Variants in ATAD1 observed in about 807,000 individuals in gnomAD.
ATAD1 encodes outer mitochondrial transmembrane helix translocase.
In ATAD1, 18 loss-of-function variants were observed where a neutral mutation model predicts 42.7. The ratio of observed to expected loss-of-function variants is 0.42; its 90% CI spans 0.29 to 0.63. The LOEUF (loss-of-function observed/expected upper bound fraction) is 0.63, where lower values mean the gene tolerates loss of function less well. ATAD1 is among the 20% of genes least tolerant of loss of function. The pLI, the probability that ATAD1 is intolerant of heterozygous loss-of-function variation, is 0.19. For missense variants in ATAD1, 294 were observed against 440.4 expected (o/e 0.67, Z 2.98); for synonymous variants, 132 against 143.1 (o/e 0.92, Z 0.55).
chr10:87,797,264 T>C (rs1443753234), intron 2 of ATAD1, among the ~76,000 whole-genome samples: 2 of 152,122 alleles, frequency 1.3e-5, no homozygotes, highest in African/African-American at 4.8e-5. Flanking sequence ...GAATTCCAAA[T>C]TATGGGTAAC....
At chr10:87,806,436 A>G (rs1856928812) in intron 2 of ATAD1, among the ~76,000 whole-genome samples, 1 of 152,130 alleles carries the variant, frequency 6.6e-6, no homozygotes, top group Non-Finnish European at 1.5e-5. Context: ...TCCTTCGGTG[A>G]GGCCCTCTCC....
intron 6 of ATAD1, among the ~76,000 whole-genome samples, chr10:87,776,113 G>A (rs1285564606): frequency 6.6e-6 from 1 of 152,034 alleles, no homozygotes; most frequent in Non-Finnish European, 1.5e-5. Context: ...AGGCATTTAG[G>A]CAATCTACTA....
chr10:87,779,149 T>C (rs1386677341), intron 5 of ATAD1, among the ~76,000 whole-genome samples: 1 of 151,632 alleles, frequency 6.6e-6, no homozygotes, highest in African/African-American at 2.4e-5. Flanking sequence ...AAATACAAAA[T>C]TGGCTGGGCA....
At chr10:87,813,266 C>A (rs1001320209) in intron 2 of ATAD1, among the ~76,000 whole-genome samples, 3 of 151,786 alleles carry the variant, frequency 2.0e-5, no homozygotes, top group Non-Finnish European at 4.4e-5. Flanking sequence ...ATTTTGACAT[C>A]ATACTTAAAC....
intron 8 of ATAD1, among the ~76,000 whole-genome samples, chr10:87,765,203 G>A (rs1020743332): frequency 6.6e-6 from 1 of 152,054 alleles, no homozygotes; most frequent in African/African-American, 2.4e-5. Flanking sequence ...CAAGGAAGGA[G>A]GGAAGCCATA....
chr10:87,802,025 C>T (rs186401543), intron 2 of ATAD1, among the ~76,000 whole-genome samples: 2 of 152,252 alleles, frequency 1.3e-5, no homozygotes, highest in East Asian at 3.9e-4. Flanking sequence ...ATTCAGTAGA[C>T]TCCTATGAAC....
At chr10:87,835,946 C>A (rs1857921850) in intron 1 of ATAD1, among the ~76,000 whole-genome samples, 2 of 152,172 alleles carry the variant, frequency 1.3e-5, no homozygotes, top group African/African-American at 4.8e-5. Flanking sequence ...CTATTACCTT[C>A]CCTCTTTATG....
chr10:87,802,211 G>A (rs1856730986), intron 2 of ATAD1, among the ~76,000 whole-genome samples: 1 of 152,128 alleles, frequency 6.6e-6, no homozygotes. Flanking sequence ...GCTTTGACTG[G>A]AATGGTGTGC....
chr10:87,800,169 T>TA (rs1184196241), intron 2 of ATAD1, among the ~76,000 whole-genome samples: 3 of 151,742 alleles, frequency 2.0e-5, no homozygotes, highest in Non-Finnish European at 4.4e-5. Flanking sequence ...GGACTTGATG[T>TA]AAAAAAAATT....
rs138371967 is a variant in ATAD1, at chr10:87,786,920, A to C, written c.383-2250T>G. Among the ~76,000 whole-genome samples, 1,446 of 151,776 alleles carry C rather than the reference A, an allele frequency of 9.5e-3. 19 individuals are homozygous for C. Among genetic ancestry groups the C allele is most frequent in the Middle Eastern group, 0.082 (24 of 294 alleles). On this transcript the variant is annotated intron_variant, in intron 4 of 9. Coordinates refer to ENST00000680024, the MANE Select transcript of ATAD1 (RefSeq NM_001321967.2). ...CAGTGAGCCGAGATTGCGCCATTGCACTCCAGGGTGGGCAACAGGGCGAGA... is the reference window on the plus strand; with the variant it reads ...CAGTGAGCCGAGATTGCGCCATTGCCCTCCAGGGTGGGCAACAGGGCGAGA...
At chr10:87,822,836 G>A (rs898272021), upstream of ATAD1, among the ~76,000 whole-genome samples, 3 of 151,894 alleles carry the variant, frequency 2.0e-5, no homozygotes, top group African/African-American at 7.3e-5. Context: ...TGAGGTAATG[G>A]ATACCTCATT....
chr10:87,782,220 T>C (rs915778997), intron 5 of ATAD1, among the ~76,000 whole-genome samples: 3 of 152,120 alleles, frequency 2.0e-5, no homozygotes, highest in African/African-American at 7.2e-5. Flanking sequence ...TAGAATGCAG[T>C]GGAATTGTAG....
chr10:87,800,014 AAG>A (rs1317411787), intron 2 of ATAD1, among the ~76,000 whole-genome samples: 1 of 151,888 alleles, frequency 6.6e-6, no homozygotes, highest in East Asian at 1.9e-4. Flanking sequence ...CTGCTTAAGA[AAG>A]AGGATGGTCA....
At chr10:87,761,559 G>A in intron 8 of ATAD1, among the ~76,000 whole-genome samples, 1 of 152,130 alleles carries the variant, frequency 6.6e-6, no homozygotes, top group African/African-American at 2.4e-5. Flanking sequence ...CTACTCAGGG[G>A]GCTGAGGCGG....
intron 2 of ATAD1, among the ~76,000 whole-genome samples, chr10:87,812,521 C>T (rs2059990774): frequency 6.6e-6 from 1 of 152,098 alleles, no homozygotes; most frequent in African/African-American, 2.4e-5. Flanking sequence ...TCTCGGCCTC[C>T]CAAAGTGCTG....
chr10:87,824,690 A>T (rs1488078632), intron 1 of ATAD1, among the ~76,000 whole-genome samples: 1 of 152,174 alleles, frequency 6.6e-6, no homozygotes, highest in East Asian at 1.9e-4. Context: ...ATCTTTTCAT[A>T]TCTCCTCTGT....
At chr10:87,807,230 G>A (rs879172196) in intron 2 of ATAD1, among the ~76,000 whole-genome samples, 1 of 152,046 alleles carries the variant, frequency 6.6e-6, no homozygotes, top group Admixed American at 6.5e-5. Flanking sequence ...CAAATATTCA[G>A]ATTGGTTCCT....
At chr10:87,831,763 C>T (rs139716294) in intron 1 of ATAD1, among the ~76,000 whole-genome samples, 1 of 152,318 alleles carries the variant, frequency 6.6e-6, no homozygotes, top group Non-Finnish European at 1.5e-5. Flanking sequence ...CCATAAGTTA[C>T]TGTGACTGAC....
chr10:87,821,531 CA>C (rs1204035439), upstream of ATAD1, among the ~76,000 whole-genome samples: 11 of 145,578 alleles, frequency 7.6e-5, no homozygotes, highest in South Asian at 2.2e-4. Context: ...GATTCCATCT[CA>C]AAAAAAAAAA....
Sources: gnomAD v4.1 joint callset for allele counts (sites outside exome capture counted in the v4.1 genomes callset) on GRCh38, gnomAD v4.1.1 for gene constraint, MANE v1.5 for transcripts, NCBI Gene and HGNC (gene_info 2026-07-23, HGNC 2026-07-21) for gene names.